Variants in CSMD1 observed in about 807,000 individuals in gnomAD.
CSMD1 encodes CUB and Sushi multiple domains 1.
Under a neutral mutation model 417.5 loss-of-function variants are expected in CSMD1, and 213 were observed. That is an observed-to-expected ratio of 0.51 (90% CI 0.46 to 0.57). CSMD1 has a LOEUF of 0.57. Among genes scored for constraint, CSMD1 ranks in the 20% least tolerant of loss-of-function variants. The pLI, the probability that CSMD1 is intolerant of heterozygous loss-of-function variation, is 0.00. For synonymous variants in CSMD1, 2,862 were observed against 1,736.8 expected (o/e 1.65, Z -16.11); for missense variants, 6,923 against 4,529.7 (o/e 1.53, Z -15.17).
intron 18 of CSMD1, among the ~76,000 whole-genome samples, chr8:3,382,391 T>C (rs1163812180): frequency 6.9e-6 from 1 of 145,074 alleles, no homozygotes; most frequent in Non-Finnish European, 1.5e-5. Context: ...TAATTAGTTA[T>C]ATATATGTTA....
At chr8:3,624,155 G>C (rs778625452) in intron 7 of CSMD1, among the ~76,000 whole-genome samples, 1 of 152,012 alleles carries the variant, frequency 6.6e-6, no homozygotes, top group Non-Finnish European at 1.5e-5. Flanking sequence ...AAAATACACT[G>C]AGCATCCAAA....
chr8:4,660,393 G>C (rs1031106988), intron 1 of CSMD1, among the ~76,000 whole-genome samples: 13 of 152,154 alleles, frequency 8.5e-5, no homozygotes, highest in African/African-American at 3.1e-4. Flanking sequence ...CGAAAGTAAT[G>C]ATTAAGCAAG....
chr8:4,359,782 G>A (rs1036556), intron 3 of CSMD1, among the ~76,000 whole-genome samples: 52,851 of 152,102 alleles, frequency 0.35, 10,601 homozygotes, highest in East Asian at 0.5. Flanking sequence ...AGTTGGTAAA[G>A]AACGCACAAT....
intron 2 of CSMD1, among the ~76,000 whole-genome samples, chr8:4,589,785 A>T (rs1375389230): frequency 6.6e-6 from 1 of 152,228 alleles, no homozygotes; most frequent in African/African-American, 2.4e-5. Context: ...GGGAAAAAAT[A>T]TATATCTTTG....
chr8:3,496,479 T>A (rs942788561), intron 10 of CSMD1, among the ~76,000 whole-genome samples: 1 of 152,186 alleles, frequency 6.6e-6, no homozygotes, highest in Non-Finnish European at 1.5e-5. Context: ...TCTTTCTACT[T>A]TTTTGATATA....
intron 13 of CSMD1, 42 bp from the exon 14 acceptor site, chr8:3,408,267 T>C (rs1417413322): frequency 1.4e-5 from 20 of 1,454,356 alleles, no homozygotes; most frequent in Non-Finnish European, 1.8e-5. Context: ...TATGCACATA[T>C]CCAAAGAATT....
At chr8:4,509,904 T>C (rs1243491818) in intron 2 of CSMD1, among the ~76,000 whole-genome samples, 1 of 152,188 alleles carries the variant, frequency 6.6e-6, no homozygotes, top group Non-Finnish European at 1.5e-5. Context: ...AGGGTGTTTA[T>C]GTGGTTTACC....
intron 1 of CSMD1, among the ~76,000 whole-genome samples, chr8:4,893,844 C>G (rs1804293047): frequency 6.6e-6 from 1 of 152,098 alleles, no homozygotes; most frequent in Non-Finnish European, 1.5e-5. Context: ...GAGTAGCATA[C>G]AGTTGTTCTT....
At chr8:4,608,578 G>C (rs907184416) in intron 2 of CSMD1, among the ~76,000 whole-genome samples, 18 of 152,230 alleles carry the variant, frequency 1.2e-4, no homozygotes, top group African/African-American at 3.6e-4. Context: ...GTCAAGATAA[G>C]GGATGCGATG....
At chr8:4,611,095 C>T (rs533464910) in intron 2 of CSMD1, among the ~76,000 whole-genome samples, 1 of 152,126 alleles carries the variant, frequency 6.6e-6, no homozygotes, top group Non-Finnish European at 1.5e-5. Flanking sequence ...AGAGAATTGC[C>T]TACTGCACTC....
chr8:4,134,985 T>A (rs926654620), intron 3 of CSMD1, among the ~76,000 whole-genome samples: 1 of 152,192 alleles, frequency 6.6e-6, no homozygotes, highest in Non-Finnish European at 1.5e-5. Context: ...GCTTAGTGTC[T>A]GGGTTCTCTT....
Position 4,192,655 on chromosome 8 carries a change from G to C in CSMD1, c.416-160556C>G, listed in dbSNP as rs147371492. ...CATATTTGCTCAGGGATCAGAGTGA[G>C]AAAAACCTTAAATCTGCACTTAAAT... On this transcript the variant is annotated intron_variant, in intron 3 of 69. Transcript: ENST00000635120. Among the ~76,000 whole-genome samples the C allele has an allele frequency of 5.9e-3, 896 of 152,300 alleles. 8 individuals are homozygous for C. The highest frequency in any genetic ancestry group is 0.024 in the Middle Eastern group (7 of 294).
intron 12 of CSMD1, among the ~76,000 whole-genome samples, chr8:3,424,719 T>C (rs1425559591): frequency 6.6e-6 from 1 of 152,250 alleles, no homozygotes; most frequent in African/African-American, 2.4e-5. Flanking sequence ...GGAATTGTCC[T>C]TCTTGATTAT....
At chr8:4,915,945 C>G (rs969427753) in intron 1 of CSMD1, among the ~76,000 whole-genome samples, 1 of 152,190 alleles carries the variant, frequency 6.6e-6, no homozygotes, top group Non-Finnish European at 1.5e-5. Context: ...CAAGTGGCAT[C>G]TCTTCCACAG....
At chr8:4,957,343 G>A (rs1585406065) in intron 1 of CSMD1, among the ~76,000 whole-genome samples, 1 of 152,192 alleles carries the variant, frequency 6.6e-6, no homozygotes, top group African/African-American at 2.4e-5. Flanking sequence ...TGGCAGAGAA[G>A]AGCACATTTG....
At chr8:3,963,893 G>C (rs1812498923) in intron 5 of CSMD1, among the ~76,000 whole-genome samples, 1 of 152,178 alleles carries the variant, frequency 6.6e-6, no homozygotes, top group African/African-American at 2.4e-5. Flanking sequence ...ACACTCGGAA[G>C]AATTTCTAAC....
In CSMD1 at chr8:4,375,211, G is replaced by A. The variant is rs868510628; in HGVS notation, c.415+44742C>T. 5.9e-5 allele frequency among the ~76,000 whole-genome samples: 9 copies of A among 152,050 alleles called. No individual in the cohort carries two copies. In the South Asian group the frequency reaches 8.3e-4, roughly 14 times the overall value. On this transcript the variant is annotated intron_variant, in intron 3 of 69. Coordinates refer to ENST00000635120, the MANE Select transcript of CSMD1 (RefSeq NM_033225.6). ...GAGTGTTTTCAAGTCTTTGCCCACG[G>A]GGATAGATAGTTTGGATGGTCTTAG...
intron 2 of CSMD1, among the ~76,000 whole-genome samples, chr8:4,630,265 TAC>T (rs57214957): frequency 0.1 from 14,969 of 148,656 alleles, 836 homozygotes; most frequent in African/African-American, 0.17. Flanking sequence ...ACACAGCAAA[TAC>T]ACACACACAC....
chr8:3,941,388 T>C (rs1191673180), intron 5 of CSMD1, among the ~76,000 whole-genome samples: 2 of 152,126 alleles, frequency 1.3e-5, no homozygotes, highest in Non-Finnish European at 2.9e-5. Flanking sequence ...TAATTTTTGA[T>C]TTCTCAAAAG....
Sources: gnomAD v4.1 joint callset for allele counts (sites outside exome capture counted in the v4.1 genomes callset) on GRCh38, gnomAD v4.1.1 for gene constraint, MANE v1.5 for transcripts, NCBI Gene and HGNC (gene_info 2026-07-23, HGNC 2026-07-21) for gene names.